The following MERTK variants were observed in gnomAD, a reference collection of about 807,000 sequenced individuals.
The protein encoded by MERTK is tyrosine-protein kinase Mer.
A neutral mutation model predicts 99.3 loss-of-function variants in MERTK; 69 were observed. The observed-to-expected ratio is 0.70, with a 90% CI of 0.57 to 0.85. The LOEUF is 0.85. MERTK is among the 40% of genes least tolerant of loss of function. The pLI is 0.00. For missense variants in MERTK, 1,125 were observed against 1,249.4 expected (o/e 0.90, Z 1.50); for synonymous variants, 426 against 467.6 (o/e 0.91, Z 1.15).
At chr2:111,957,159 C>A (rs1360677562) in intron 4 of MERTK, among the ~76,000 whole-genome samples, 1 of 151,870 alleles carries the variant, frequency 6.6e-6, no homozygotes, top group East Asian at 1.9e-4. Flanking sequence ...GATCTCCTGA[C>A]CTCGTGATCC....
At chr2:111,942,352 GT>G (rs5833429) in intron 2 of MERTK, among the ~76,000 whole-genome samples, 35,054 of 152,142 alleles carry the variant, frequency 0.23, 4,354 homozygotes, top group Middle Eastern at 0.36. Context: ...AGATCCATCT[GT>G]TGTGCAGGAT....
chr2:111,906,563 TA>T, intron 1 of MERTK, among the ~76,000 whole-genome samples: 1 of 152,232 alleles, frequency 6.6e-6, no homozygotes, highest in Non-Finnish European at 1.5e-5. Flanking sequence ...AGTGCGGTGA[TA>T]AATATTCATG....
At chr2:111,912,527 G>A (rs954852498) in intron 1 of MERTK, among the ~76,000 whole-genome samples, 1 of 152,066 alleles carries the variant, frequency 6.6e-6, no homozygotes, top group African/African-American at 2.4e-5. Flanking sequence ...ATGGACATGT[G>A]TGAGTCTAGG....
intron 4 of MERTK, among the ~76,000 whole-genome samples, chr2:111,960,613 T>A (rs1685232227): frequency 1.3e-5 from 2 of 151,968 alleles, no homozygotes; most frequent in South Asian, 4.1e-4. Context: ...TAATAATGAG[T>A]ATAATCAATT....
chr2:111,937,378 G>A (rs865929951), intron 2 of MERTK, among the ~76,000 whole-genome samples: 18 of 152,196 alleles, frequency 1.2e-4, no homozygotes, highest in South Asian at 2.1e-4. Context: ...CTTGAGCCTC[G>A]GAGTTTGAAG....
intron 2 of MERTK, among the ~76,000 whole-genome samples, chr2:111,937,529 T>C (rs1684785995): frequency 6.6e-6 from 1 of 152,244 alleles, no homozygotes; most frequent in Middle Eastern, 3.4e-3. Flanking sequence ...TGCATCTCCA[T>C]GCAGGCTCCT....
intron 1 of MERTK, among the ~76,000 whole-genome samples, chr2:111,905,956 C>T (rs1684129431): frequency 6.6e-6 from 1 of 152,190 alleles, no homozygotes; most frequent in Non-Finnish European, 1.5e-5. Context: ...AATAAAATTA[C>T]ACCAAAAGCT....
At chr2:111,907,041 T>C (rs1266743977) in intron 1 of MERTK, among the ~76,000 whole-genome samples, 4 of 152,098 alleles carry the variant, frequency 2.6e-5, no homozygotes, top group Middle Eastern at 3.4e-3. Flanking sequence ...CCCTCAGCCC[T>C]GTGCGTGACT....
chr2:112,012,200 G>A (rs1049569545), intron 15 of MERTK, among the ~76,000 whole-genome samples: 1 of 152,118 alleles, frequency 6.6e-6, no homozygotes, highest in Non-Finnish European at 1.5e-5. Context: ...TAGAAGGAGG[G>A]ATTGTGCAGA....
At chr2:111,924,668 C>G (rs1290395680) in intron 1 of MERTK, among the ~76,000 whole-genome samples, 1 of 152,182 alleles carries the variant, frequency 6.6e-6, no homozygotes, top group African/African-American at 2.4e-5. Flanking sequence ...CTTCTCCTGC[C>G]TCGACTGGGA....
chr2:112,029,000 G>A lies in MERTK; in HGVS notation c.*136G>A, dbSNP rs1677527845. On this transcript the variant is annotated 3_prime_UTR_variant, in exon 19 of 19. Coordinates refer to ENST00000295408, the MANE Select transcript of MERTK (RefSeq NM_006343.3). ...GGCCCCAAAGCACCAGATGAATGTT[G>A]TTAAGTAAGCTGTCATTAAAAATAC... is the stretch of plus-strand genomic sequence containing the variant. 5.2e-6 allele frequency: 8 copies of A among 1,547,932 alleles called. No individual in the cohort carries two copies. The highest frequency in any genetic ancestry group is 6.1e-6 in the Non-Finnish European group (7 of 1,145,796).
chr2:112,010,153 G>A (rs1677068389), intron 15 of MERTK, 87 bp downstream of exon 15: 1 of 1,028,420 alleles, frequency 9.7e-7, no homozygotes, highest in Non-Finnish European at 1.5e-6. Flanking sequence ...TCTTGAAAGT[G>A]AAGCCAGGAA....
At chr2:111,953,195 T>A (rs1046335003) in intron 4 of MERTK, among the ~76,000 whole-genome samples, 1 of 152,216 alleles carries the variant, frequency 6.6e-6, no homozygotes, top group Non-Finnish European at 1.5e-5. Flanking sequence ...AACTGAACCA[T>A]GATGATGGAA....
intron 10 of MERTK, 84 bp downstream of exon 10, chr2:111,997,560 G>C (rs1573629563): frequency 6.7e-7 from 1 of 1,502,990 alleles, no homozygotes; most frequent in East Asian, 2.3e-5. Flanking sequence ...TGTTGGGCCA[G>C]CTGCTTACAT....
chr2:112,003,547 G>T (rs1462316498), intron 12 of MERTK: 1 of 340,528 alleles, frequency 2.9e-6, no homozygotes, highest in Non-Finnish European at 5.5e-6. Flanking sequence ...ATGAAAATAC[G>T]TATTTAACTT....
chr2:112,003,395 A>G (rs1676909423), intron 12 of MERTK: 2 of 457,016 alleles, frequency 4.4e-6, no homozygotes, highest in African/African-American at 4.0e-5. Context: ...AATGCCTAGC[A>G]CATACAGGTC....
chr2:111,905,568 A>T (rs1297328930), intron 1 of MERTK, among the ~76,000 whole-genome samples: 3 of 150,822 alleles, frequency 2.0e-5, no homozygotes, highest in Non-Finnish European at 4.4e-5. Flanking sequence ...CCTGGGTTCA[A>T]GCGGTTCTCC....
chr2:111,917,563 T>G (rs1388134848), intron 1 of MERTK, among the ~76,000 whole-genome samples: 1 of 152,144 alleles, frequency 6.6e-6, no homozygotes, highest in Non-Finnish European at 1.5e-5. Flanking sequence ...TCTCTACCTT[T>G]CAGAGTTTTG....
rs1229632691 is a variant in MERTK at position 111,968,270 on chromosome 2, A to T, written c.960+18A>T. 1 of 1,581,072 alleles carries T rather than the reference A, an allele frequency of 6.3e-7. No homozygotes were observed. The highest frequency in any genetic ancestry group is 1.1e-5 in the South Asian group (1 of 90,366). On this transcript the variant is annotated intron_variant, in intron 6 of 18. Transcript: ENST00000295408. ...GCATTCAGGTAAAGTTCCAGGGTGA[A>T]GAGGGAAGTAGCTGTTTGGTGCTCT...
Sources: allele counts gnomAD v4.1 joint callset (sites outside exome capture counted in the v4.1 genomes callset), GRCh38; gene constraint gnomAD v4.1.1; transcripts MANE v1.5; gene names NCBI Gene and HGNC (gene_info 2026-07-23, HGNC 2026-07-21).